Variants in GPC3 observed in about 807,000 individuals in gnomAD.
GPC3 encodes glypican-3.
GPC3 carries 3 observed loss-of-function variants against 34.4 expected under a neutral mutation model. That is an observed-to-expected ratio of 0.09 (90% CI 0.04 to 0.23). The LOEUF (loss-of-function observed/expected upper bound fraction) is 0.23, where lower values mean the gene tolerates loss of function less well. GPC3 is among the 10% of genes least tolerant of loss of function. GPC3 has a pLI of 1.00. For synonymous variants in GPC3, 177 were observed against 174.0 expected, an observed-to-expected ratio of 1.02 and a Z score of -0.13; for missense variants, 351 against 445.6, an observed-to-expected ratio of 0.79 and a Z score of 1.91.
At chrX:133,657,340 C>T (rs955559350) in intron 6 of GPC3, among the ~76,000 whole-genome samples, 8 of 111,400 alleles carry the variant, frequency 7.2e-5, no homozygotes, top group Non-Finnish European at 1.1e-4. Flanking sequence ...ATATGAGTAA[C>T]GATGTGTTGT....
chrX:133,578,017 C>CA (rs2069702556), intron 7 of GPC3, among the ~76,000 whole-genome samples: 1 of 112,053 alleles, frequency 8.9e-6, no homozygotes, highest in African/African-American at 3.2e-5. Flanking sequence ...TAATGGTACC[C>CA]ACACCACAGC....
chrX:133,636,131 A>T (rs970739777), intron 6 of GPC3, among the ~76,000 whole-genome samples: 1 of 112,088 alleles, frequency 8.9e-6, no homozygotes, highest in Non-Finnish European at 1.9e-5. Flanking sequence ...AAAGAAAAAA[A>T]ACATTGTCAA....
intron 2 of GPC3, among the ~76,000 whole-genome samples, chrX:133,883,745 T>C (rs2076051545): frequency 8.9e-6 from 1 of 111,875 alleles, no homozygotes; most frequent in Non-Finnish European, 1.9e-5. Flanking sequence ...TACTCTACCC[T>C]TCTTTTATTT....
intron 2 of GPC3, among the ~76,000 whole-genome samples, chrX:133,769,786 AC>A (rs1445017717): frequency 8.9e-6 from 1 of 112,221 alleles, no homozygotes; most frequent in Non-Finnish European, 1.9e-5. Flanking sequence ...AATTAGAGAA[AC>A]ATCTTTTTTA....
At chrX:133,795,259 A>G (rs932469301) in intron 2 of GPC3, among the ~76,000 whole-genome samples, 1 of 113,014 alleles carries the variant, frequency 8.8e-6, no homozygotes, top group African/African-American at 3.2e-5. Context: ...TTTTTCAGGA[A>G]CAATGTCCTT....
chrX:133,862,416 C>T (rs1262219395), intron 2 of GPC3, among the ~76,000 whole-genome samples: 1 of 107,917 alleles, frequency 9.3e-6, no homozygotes, highest in Non-Finnish European at 1.9e-5. Flanking sequence ...TGTGGTGGCT[C>T]ACGCCTGTAA....
In GPC3 at chrX:133,860,460, TG is replaced by T. The variant is rs774877166; in HGVS notation, c.337+92589del. 2.5e-4 allele frequency among the ~76,000 whole-genome samples: 28 copies of T among 111,722 alleles called. No homozygotes were observed. The Admixed American group carries it at 2.6e-3, about 11-fold the overall frequency. On this transcript the variant is annotated intron_variant, in intron 2 of 7. Coordinates refer to ENST00000370818, the MANE Select transcript of GPC3 (RefSeq NM_004484.4). ...TCGGGGAACACCGAGTGAAAAACTA[TG>T]ACCACTAAAAACTTGTTAACAGTTA...
At chrX:133,763,748 C>CA (rs753814610) in intron 2 of GPC3, 888 of 380,090 alleles carry the variant, frequency 2.3e-3, no homozygotes, top group East Asian at 3.2e-3. Context: ...ACATCAGTTT[C>CA]AAAAAAAAAA....
At position 133,749,671 on chromosome X, in the gene GPC3, G is replaced by T. The variant is rs1176045625; in HGVS notation, c.1032+3811C>A. On this transcript the variant is annotated intron_variant, in intron 3 of 7. Coordinates refer to ENST00000370818, the MANE Select transcript of GPC3 (RefSeq NM_004484.4). ...TCATGGCTTAAAGCCAGCTCGAAAG[G>T]ATATCCCAGCAGAGCTCAGGAAGAG... 3.6e-5 allele frequency among the ~76,000 whole-genome samples: 4 copies of T among 111,560 alleles called. No homozygotes were observed. In the Admixed American group the frequency reaches 3.8e-4, roughly 11 times the overall value.
intron 2 of GPC3, among the ~76,000 whole-genome samples, chrX:133,906,944 C>G (rs899876926): frequency 2.7e-5 from 3 of 109,799 alleles, no homozygotes; most frequent in Non-Finnish European, 5.7e-5. Context: ...ACTAAAAATA[C>G]AAAAAAATTA....
intron 2 of GPC3, among the ~76,000 whole-genome samples, chrX:133,928,707 G>A (rs1289473835): frequency 9.0e-6 from 1 of 111,688 alleles, no homozygotes; most frequent in Non-Finnish European, 1.9e-5. Flanking sequence ...ATTTTTTCAG[G>A]TACCTGTTGG....
chrX:133,833,935 C>T (rs766315999), intron 2 of GPC3, among the ~76,000 whole-genome samples: 14 of 111,378 alleles, frequency 1.3e-4, no homozygotes, highest in African/African-American at 4.2e-4. Flanking sequence ...CTCTATGTCT[C>T]ACTCTCTCAA....
At chrX:133,654,849 T>C (rs939032652) in intron 6 of GPC3, among the ~76,000 whole-genome samples, 2 of 112,356 alleles carry the variant, frequency 1.8e-5, no homozygotes, top group Non-Finnish European at 3.8e-5. Context: ...TAGTCTATAT[T>C]GTTTGACAGA....
chrX:133,755,170 A>G (rs747216582), intron 2 of GPC3, among the ~76,000 whole-genome samples: 13 of 112,432 alleles, frequency 1.2e-4, no homozygotes, highest in African/African-American at 3.9e-4. Flanking sequence ...TTTAAAAACA[A>G]AAATAGCCAA....
chrX:133,864,580 A>G lies in GPC3; in HGVS notation c.337+88470T>C, dbSNP rs1368504621. Among the ~76,000 whole-genome samples, 3 of 111,939 alleles carry G rather than the reference A, an allele frequency of 2.7e-5. No individual in the cohort carries two copies. The Admixed American group carries it at 2.8e-4, about 11-fold the overall frequency. On this transcript the variant is annotated intron_variant, in intron 2 of 7. Transcript: ENST00000370818. ...ATCTCTATGAATACCCAATGCTCACATGTCCCAGCAGCCTTGTCTGTCCTG... is the reference window on the plus strand; with the variant it reads ...ATCTCTATGAATACCCAATGCTCACGTGTCCCAGCAGCCTTGTCTGTCCTG...
chrX:133,692,431 G>T lies in GPC3; in HGVS notation c.1230C>A (p.Cys410Ter). The change falls in exon 5 of 8, where the codon TGC (cysteine) becomes TGA (stop). Residue 410 changes from cysteine (C) to a stop codon, truncating the protein, a stop_gained. Transcript: ENST00000370818. LOFTEE classifies it high-confidence loss of function. The part of the protein sequence containing the change: ...SFYSALPGYI[C>*]SHSPVAENDT... The stretch of plus-strand genomic sequence containing the variant: ...CGTTTTCCGCCACAGGGCTATGGCT[G>T]CAGATGTAGCCAGGCAAAGCACTAT... 1 of 1,199,781 alleles carries T rather than the reference G, an allele frequency of 8.3e-7. No individual in the cohort carries two copies. The highest frequency in any genetic ancestry group is 1.1e-6 in the Non-Finnish European group (1 of 884,133).
At chrX:133,545,458 C>T (rs1428731956) in intron 7 of GPC3, among the ~76,000 whole-genome samples, 2 of 110,966 alleles carry the variant, frequency 1.8e-5, no homozygotes, top group Non-Finnish European at 3.8e-5. Flanking sequence ...ACTATGATTA[C>T]ACCTATGAAT....
chrX:133,683,305 T>C (rs934936243), intron 5 of GPC3, among the ~76,000 whole-genome samples: 3 of 112,497 alleles, frequency 2.7e-5, no homozygotes, highest in African/African-American at 9.7e-5. Context: ...TTTACCCATT[T>C]CTTAAAAGCA....
intron 2 of GPC3, among the ~76,000 whole-genome samples, chrX:133,762,187 T>C (rs958716497): frequency 8.0e-5 from 9 of 112,084 alleles, no homozygotes; most frequent in Non-Finnish European, 1.7e-4. Flanking sequence ...GAGTAGCAAC[T>C]ATAGAAATGT....
Sources: gnomAD v4.1 joint callset for allele counts (sites outside exome capture counted in the v4.1 genomes callset) on GRCh38, gnomAD v4.1.1 for gene constraint, MANE v1.5 for transcripts, NCBI Gene and HGNC (gene_info 2026-07-23, HGNC 2026-07-21) for gene names.